Variants in PDE7B observed in about 807,000 individuals in gnomAD.
The protein encoded by PDE7B is 3',5'-cyclic-AMP phosphodiesterase 7B.
Under a neutral mutation model 56.2 loss-of-function variants are expected in PDE7B, and 29 were observed. The ratio of observed to expected loss-of-function variants is 0.52; its 90% CI spans 0.38 to 0.70. PDE7B has a LOEUF of 0.70. PDE7B is among the 30% of genes least tolerant of loss of function. PDE7B has a pLI of 0.00. For missense variants in PDE7B, 490 were observed against 565.0 expected (o/e 0.87, Z 1.35); for synonymous variants, 197 against 196.9 (o/e 1.00, Z 0.00).
Position 135,851,781 on chromosome 6 carries a change from A to G in PDE7B, c.-218A>G. On this transcript the variant is annotated 5_prime_UTR_variant, in exon 1 of 13. Transcript: ENST00000308191. ...AAAGTGGTGTTACTCACCCAGGGAGAGTCTCTCTTTCTACCTTCCTTCTTT... is the reference window on the plus strand; with the variant it reads ...AAAGTGGTGTTACTCACCCAGGGAGGGTCTCTCTTTCTACCTTCCTTCTTT... The G allele has an allele frequency of 1.9e-6, 1 of 532,662 alleles. No individual in the cohort carries two copies. The highest frequency in any genetic ancestry group is 3.0e-5 in the East Asian group (1 of 33,176). 33.0% of individuals were successfully genotyped at this position (532,662 alleles called of 1,614,324 possible). A position where few individuals can be genotyped will look rare whatever the true frequency, so the allele number is the denominator to read the frequency against.
At chr6:136,078,585 GA>G (rs11323054) in intron 2 of PDE7B, among the ~76,000 whole-genome samples, 56,821 of 145,420 alleles carry the variant, frequency 0.39, 10,736 homozygotes, top group South Asian at 0.49. Flanking sequence ...TAAAAATCCT[GA>G]AAAAAAAAAA....
At chr6:135,980,021 T>C (rs1775266854) in intron 2 of PDE7B, among the ~76,000 whole-genome samples, 2 of 152,238 alleles carry the variant, frequency 1.3e-5, no homozygotes, top group African/African-American at 2.4e-5. Context: ...GAAGGCATCA[T>C]GCTGCCTAAC....
intron 1 of PDE7B, among the ~76,000 whole-genome samples, chr6:135,854,709 TA>T (rs1360233004): frequency 1.3e-5 from 2 of 152,212 alleles, no homozygotes; most frequent in East Asian, 3.9e-4. Context: ...CACTGGCTTC[TA>T]AAGACATCCT....
intron 2 of PDE7B, among the ~76,000 whole-genome samples, chr6:136,003,385 A>C (rs1775710720): frequency 6.6e-6 from 1 of 152,142 alleles, no homozygotes; most frequent in African/African-American, 2.4e-5. Context: ...GACACAAAAA[A>C]CCCTTCAAAA....
chr6:135,952,088 C>T (rs1042819476), intron 2 of PDE7B, among the ~76,000 whole-genome samples: 2 of 152,146 alleles, frequency 1.3e-5, no homozygotes, highest in Admixed American at 6.6e-5. Flanking sequence ...GAAATAAAAA[C>T]ATCTGTCCTT....
chr6:135,886,079 C>T (rs1775703614), intron 1 of PDE7B, among the ~76,000 whole-genome samples: 1 of 152,160 alleles, frequency 6.6e-6, no homozygotes, highest in Admixed American at 6.6e-5. Flanking sequence ...TTTTCTGAAA[C>T]ATACAATGGC....
At chr6:136,053,383 T>G (rs921730183) in intron 2 of PDE7B, among the ~76,000 whole-genome samples, 5 of 152,112 alleles carry the variant, frequency 3.3e-5, no homozygotes, top group African/African-American at 4.8e-5. Flanking sequence ...AAAAAGGACA[T>G]GAACTCATCA....
chr6:135,871,627 C>T lies in PDE7B; in HGVS notation c.21+19608C>T, dbSNP rs75300681. 6.3e-3 allele frequency among the ~76,000 whole-genome samples: 954 copies of T among 152,268 alleles called. 11 individuals carry two copies. The highest frequency in any genetic ancestry group is 0.022 in the African/African-American group (917 of 41,558). On this transcript the variant is annotated intron_variant, in intron 1 of 12. Coordinates refer to ENST00000308191, the MANE Select transcript of PDE7B (RefSeq NM_018945.4). The stretch of plus-strand genomic sequence containing the variant: ...TGAGAAAAAGAATTCTGGGGAAAGA[C>T]AGGAAACTGGAAATCTACTCTTAGC...
At chr6:136,012,006 C>T (rs1775902668) in intron 2 of PDE7B, among the ~76,000 whole-genome samples, 1 of 152,122 alleles carries the variant, frequency 6.6e-6, no homozygotes, top group Non-Finnish European at 1.5e-5. Flanking sequence ...AAGTCAAGAA[C>T]ACATTTGTGG....
chr6:135,982,594 C>T (rs749979456), intron 2 of PDE7B, among the ~76,000 whole-genome samples: 28 of 152,144 alleles, frequency 1.8e-4, no homozygotes, highest in Non-Finnish European at 3.2e-4. Flanking sequence ...CATGCATATA[C>T]ATCACCTGGT....
At chr6:135,856,495 A>G (rs1453123514) in intron 1 of PDE7B, among the ~76,000 whole-genome samples, 1 of 152,230 alleles carries the variant, frequency 6.6e-6, no homozygotes, top group Non-Finnish European at 1.5e-5. Flanking sequence ...GAACCTTCAG[A>G]AGAAAGTTTT....
intron 12 of PDE7B, among the ~76,000 whole-genome samples, chr6:136,188,499 C>T (rs1260229985): frequency 1.3e-5 from 2 of 152,236 alleles, no homozygotes; most frequent in East Asian, 1.9e-4. Flanking sequence ...GTTCTGCAGA[C>T]GTGATTCAAA....
At chr6:136,059,213 T>G (rs1776794264) in intron 2 of PDE7B, among the ~76,000 whole-genome samples, 1 of 152,180 alleles carries the variant, frequency 6.6e-6, no homozygotes, top group African/African-American at 2.4e-5. Flanking sequence ...CAATAGGATA[T>G]AAATAACTCC....
chr6:136,050,627 G>A (rs1188110284), intron 2 of PDE7B, among the ~76,000 whole-genome samples: 1 of 152,104 alleles, frequency 6.6e-6, no homozygotes, highest in Non-Finnish European at 1.5e-5. Context: ...TTGTGGCTTG[G>A]GTCTGTGGTA....
intron 12 of PDE7B, among the ~76,000 whole-genome samples, chr6:136,190,016 G>T (rs1201863371): frequency 2.6e-5 from 4 of 152,110 alleles, no homozygotes; most frequent in Non-Finnish European, 5.9e-5. Context: ...ATTTTAAAAT[G>T]TTGGATATTT....
chr6:136,191,491 AC>A, intron 12 of PDE7B, 122 bp from the exon 13 acceptor site: 1 of 788,418 alleles, frequency 1.3e-6, no homozygotes, highest in Admixed American at 2.3e-5. Context: ...ACATGGGGAA[AC>A]CCCATCTCTA....
intron 2 of PDE7B, among the ~76,000 whole-genome samples, chr6:136,076,198 T>C (rs529195584): frequency 2.0e-5 from 3 of 152,246 alleles, no homozygotes; most frequent in African/African-American, 7.2e-5. Flanking sequence ...CAGCCGGGCA[T>C]GGTGGCTCAT....
intron 2 of PDE7B, among the ~76,000 whole-genome samples, chr6:136,007,780 G>C (rs1041367228): frequency 6.6e-6 from 1 of 151,604 alleles, no homozygotes; most frequent in African/African-American, 2.4e-5. Context: ...AGTAGTTTCT[G>C]ATGGTTATTT....
chr6:136,178,605 TG>T (rs1372963248), intron 9 of PDE7B, among the ~76,000 whole-genome samples: 1 of 152,208 alleles, frequency 6.6e-6, no homozygotes, highest in East Asian at 1.9e-4. Context: ...ACTATTGTTA[TG>T]CCCTTTTCTC....
Sources: gnomAD v4.1 joint callset for allele counts (sites outside exome capture counted in the v4.1 genomes callset) on GRCh38, gnomAD v4.1.1 for gene constraint, MANE v1.5 for transcripts, NCBI Gene and HGNC (gene_info 2026-07-23, HGNC 2026-07-21) for gene names.